Variants in CAMTA1 observed in about 807,000 individuals in gnomAD.
The protein encoded by CAMTA1 is calmodulin-binding transcription activator 1.
CAMTA1 carries 27 observed loss-of-function variants against 170.9 expected under a neutral mutation model. The observed-to-expected ratio is 0.16, with a 90% CI of 0.12 to 0.22. The LOEUF (loss-of-function observed/expected upper bound fraction) is 0.22, where lower values mean the gene tolerates loss of function less well. Ranked by LOEUF, CAMTA1 falls within the 10% of genes least tolerant of loss-of-function variation. The pLI, the probability that CAMTA1 is intolerant of heterozygous loss-of-function variation, is 1.00. For synonymous variants in CAMTA1, 833 were observed against 891.5 expected (o/e 0.93, Z 1.17); for missense variants, 1,619 against 2,217.2 (o/e 0.73, Z 5.42).
At chr1:7,630,007 C>T (rs930893562) in intron 6 of CAMTA1, among the ~76,000 whole-genome samples, 7 of 152,184 alleles carry the variant, frequency 4.6e-5, no homozygotes, top group African/African-American at 1.7e-4. Flanking sequence ...GGCTCTTTTT[C>T]GTTACTCATT....
intron 6 of CAMTA1, among the ~76,000 whole-genome samples, chr1:7,591,655 C>T (rs1382645511): frequency 6.6e-6 from 1 of 152,220 alleles, no homozygotes; most frequent in Non-Finnish European, 1.5e-5. Context: ...CTCCTGTTCT[C>T]AGGGTGAAAT....
At chr1:7,436,390 G>T (rs552683600) in intron 5 of CAMTA1, among the ~76,000 whole-genome samples, 1 of 152,232 alleles carries the variant, frequency 6.6e-6, no homozygotes, top group South Asian at 2.1e-4. Flanking sequence ...CCCAGTTCCA[G>T]GCAGCAGACT....
intron 4 of CAMTA1, among the ~76,000 whole-genome samples, chr1:7,163,039 T>TG (rs75561133): frequency 0.25 from 37,576 of 151,708 alleles, 5,199 homozygotes; most frequent in East Asian, 0.34. Context: ...GGAGGCTGGA[T>TG]GGGCCTCTCT....
Position 7,050,515 on chromosome 1 carries a change from G to C in CAMTA1, c.235-40789G>C, listed in dbSNP as rs4908592. On this transcript the variant is annotated intron_variant, in intron 3 of 22. Coordinates refer to ENST00000303635, the MANE Select transcript of CAMTA1 (RefSeq NM_015215.4). This position sits in a 1 kb window ranked among gnomAD's most constrained non-coding sequence, Gnocchi z 4.8. ...TGCATCAAACACATCGCGGGGGTGT[G>C]GAGTCTAGGGCTGAAGTCACGGGGT... 0.2 allele frequency among the ~76,000 whole-genome samples: 30,339 copies of C among 152,098 alleles called. 3,237 individuals carry two copies. Among genetic ancestry groups the C allele is most frequent in the Non-Finnish European group, 0.25 (17,297 of 67,958 alleles).
At chr1:7,124,357 G>A (rs1357759565) in intron 4 of CAMTA1, among the ~76,000 whole-genome samples, 2 of 152,190 alleles carry the variant, frequency 1.3e-5, no homozygotes, top group African/African-American at 4.8e-5. Flanking sequence ...CGTTGTGGAA[G>A]CAAATTCCCT....
At chr1:7,737,040 G>A in intron 14 of CAMTA1, 31 bp downstream of exon 14, 3 of 1,543,292 alleles carry the variant, frequency 1.9e-6, no homozygotes, top group Middle Eastern at 3.4e-4. Context: ...GCCCCCCCTT[G>A]CTGTTCTTCC....
At chr1:7,483,910 C>T (rs2093578584) in intron 6 of CAMTA1, among the ~76,000 whole-genome samples, 1 of 152,196 alleles carries the variant, frequency 6.6e-6, no homozygotes, top group South Asian at 2.1e-4. Context: ...ACCTCCTGGG[C>T]CTGTTCCCTC....
At chr1:7,186,821 A>G (rs982024513) in intron 4 of CAMTA1, among the ~76,000 whole-genome samples, 3 of 152,186 alleles carry the variant, frequency 2.0e-5, no homozygotes, top group African/African-American at 7.2e-5. Context: ...AGAGAAATAT[A>G]CACCACGCTG....
chr1:7,458,112 C>T (rs775056910), intron 5 of CAMTA1, among the ~76,000 whole-genome samples: 14 of 152,174 alleles, frequency 9.2e-5, no homozygotes, highest in Non-Finnish European at 2.1e-4. Flanking sequence ...TTGACGTTTG[C>T]TGCCGTTCCT....
At chr1:7,688,409 C>A (rs929475192) in intron 11 of CAMTA1, among the ~76,000 whole-genome samples, 8 of 152,170 alleles carry the variant, frequency 5.3e-5, no homozygotes, top group Admixed American at 6.5e-5. Flanking sequence ...CACAGAGAGA[C>A]CGGTCAGGGA....
At chr1:6,858,999 CTTA>C (rs1453583161) in intron 3 of CAMTA1, among the ~76,000 whole-genome samples, 3 of 152,096 alleles carry the variant, frequency 2.0e-5, no homozygotes, top group Admixed American at 6.6e-5. Context: ...TAGAAATTAT[CTTA>C]TTATATTTTA....
rs897464903 is a variant in CAMTA1 at position 7,093,926 on chromosome 1, C to G, written c.302+2555C>G. On this transcript the variant is annotated intron_variant, in intron 4 of 22. Coordinates refer to ENST00000303635, the MANE Select transcript of CAMTA1 (RefSeq NM_015215.4). This position sits in a 1 kb window ranked among gnomAD's most constrained non-coding sequence, Gnocchi z 4.6. ...GCTGTTGATCCCACCCTTGCTGGGT[C>G]ACGATGAGGATTGAATGTGGTCACG... is the stretch of plus-strand genomic sequence containing the variant. Among the ~76,000 whole-genome samples the G allele has an allele frequency of 2.0e-5, 3 of 152,174 alleles. No homozygotes were observed. The highest frequency in any genetic ancestry group is 2.9e-5 in the Non-Finnish European group (2 of 68,040).
chr1:7,400,099 C>T (rs1467139387), intron 5 of CAMTA1, among the ~76,000 whole-genome samples: 2 of 152,162 alleles, frequency 1.3e-5, no homozygotes, highest in Non-Finnish European at 2.9e-5. Flanking sequence ...CTCTGAAAAC[C>T]TCATAATGAA....
At chr1:7,274,127 G>A (rs979275411) in intron 5 of CAMTA1, among the ~76,000 whole-genome samples, 8 of 152,144 alleles carry the variant, frequency 5.3e-5, no homozygotes, top group African/African-American at 1.9e-4. Flanking sequence ...TGCATCAACT[G>A]TAAATGGCTT....
chr1:7,737,325 C>T lies in CAMTA1; in HGVS notation c.3413C>T (p.Ser1138Leu), dbSNP rs750477632. 26 of 1,614,058 alleles carry T rather than the reference C, an allele frequency of 1.6e-5. No homozygotes were observed. The highest frequency in any genetic ancestry group is 1.5e-4 in the South Asian group (14 of 91,084). ...VLYKWDRRAI[S>L]IPDSLGRLPL... Reference sequence around the variant, plus strand: ...TACAAGTGGGACCGTCGGGCCATCTCGATTCCCGACTCTCTAGGAAGGCTG... The same window carrying T: ...TACAAGTGGGACCGTCGGGCCATCTTGATTCCCGACTCTCTAGGAAGGCTG... Residue 1138 changes from serine (S) to leucine (L), a missense_variant, in exon 15 of 23, where the codon TCG becomes TTG. Around this residue, in one of 8 missense-constraint regions of CAMTA1, gnomAD observed 60 missense variants for 128.5 expected, o/e 0.47. Coordinates refer to ENST00000303635, the MANE Select transcript of CAMTA1 (RefSeq NM_015215.4).
At chr1:7,541,031 G>T (rs759182551) in intron 6 of CAMTA1, among the ~76,000 whole-genome samples, 1 of 152,202 alleles carries the variant, frequency 6.6e-6, no homozygotes, top group Admixed American at 6.5e-5. Context: ...CCGCACACTG[G>T]CTGTTGCCAA....
intron 1 of CAMTA1, among the ~76,000 whole-genome samples, chr1:6,799,275 C>T (rs1460155185): frequency 4.6e-5 from 7 of 152,066 alleles, no homozygotes; most frequent in Admixed American, 3.3e-4. Context: ...TGCTATGTTG[C>T]GCAGGCTTGT....
intron 5 of CAMTA1, among the ~76,000 whole-genome samples, chr1:7,432,561 G>T (rs1005576492): frequency 2.6e-5 from 4 of 152,198 alleles, no homozygotes; most frequent in African/African-American, 9.7e-5. Flanking sequence ...GAAGCATCCT[G>T]GTGGGGTCAC....
intron 5 of CAMTA1, among the ~76,000 whole-genome samples, chr1:7,457,146 CTT>C (rs1557747143): frequency 6.7e-6 from 1 of 149,636 alleles, no homozygotes; most frequent in Non-Finnish European, 1.5e-5. Flanking sequence ...TGGATCAACT[CTT>C]TCTCTAAATC....
Sources: gnomAD v4.1 joint callset for allele counts (sites outside exome capture counted in the v4.1 genomes callset) on GRCh38, gnomAD v4.1.1 for gene constraint, gnomAD v4.1.1 regional missense constraint, Gnocchi (gnomAD v3.1) non-coding constraint, MANE v1.5 for transcripts, NCBI Gene and HGNC (gene_info 2026-07-23, HGNC 2026-07-21) for gene names.